RTL4: variants seen among roughly 807,000 people sequenced by gnomAD.
RTL4 encodes the protein retrotransposon Gag like 4, also known as retrotransposon Gag-like protein 4.
A neutral mutation model predicts 5.3 loss-of-function variants in RTL4; 4 were observed. That is an observed-to-expected ratio of 0.75 (90% CI 0.37 to 1.72). The LOEUF (loss-of-function observed/expected upper bound fraction) is 1.72. RTL4 is among the 40% of genes most tolerant of loss of function. RTL4 has a pLI of 0.04. For synonymous variants in RTL4, 98 were observed against 87.3 expected (o/e 1.12, Z -0.68); for missense variants, 260 against 227.1 (o/e 1.14, Z -0.93).
At chrX:112,145,998 A>T in the RTL4 span, among the ~76,000 whole-genome samples, 1 of 112,289 alleles carries the variant, frequency 8.9e-6, no homozygotes, top group African/African-American at 3.2e-5. Flanking sequence ...TAAGCAGAGG[A>T]ATCAAATTGC....
upstream of RTL4, among the ~76,000 whole-genome samples, chrX:112,451,490 T>C (rs1190014996): frequency 9.0e-6 from 1 of 110,897 alleles, no homozygotes; most frequent in Non-Finnish European, 1.9e-5. Context: ...TAGAGTGAGG[T>C]TCTGTCTCAA....
the RTL4 span, among the ~76,000 whole-genome samples, chrX:112,445,666 A>G: frequency 9.8e-5 from 11 of 111,781 alleles, no homozygotes; most frequent in Admixed American, 2.9e-4. Context: ...AGCTGCAATG[A>G]GCCAGGTACT....
chrX:112,351,369 G>T, the RTL4 span, among the ~76,000 whole-genome samples: 1 of 108,927 alleles, frequency 9.2e-6, no homozygotes, highest in Non-Finnish European at 1.9e-5. Flanking sequence ...GAGTTCTGTA[G>T]TTGTCTTTTA....
the RTL4 span, among the ~76,000 whole-genome samples, chrX:112,084,580 C>T: frequency 2.7e-5 from 3 of 111,042 alleles, no homozygotes; most frequent in African/African-American, 9.8e-5. Flanking sequence ...AACTAATATA[C>T]AGTCTCCCAA....
chrX:112,181,795 GAGC>G, the RTL4 span, among the ~76,000 whole-genome samples: 1 of 112,085 alleles, frequency 8.9e-6, no homozygotes, highest in South Asian at 3.8e-4. Context: ...GCTCTGAAGA[GAGC>G]AGCAGATTTC....
At chrX:112,269,083 C>T in the RTL4 span, among the ~76,000 whole-genome samples, 2 of 112,092 alleles carry the variant, frequency 1.8e-5, no homozygotes, top group Admixed American at 9.5e-5. Context: ...ATTCTGAGAG[C>T]TGCTTAGGAA....
At chrX:112,388,812 G>A in the RTL4 span, among the ~76,000 whole-genome samples, 10 of 111,735 alleles carry the variant, frequency 8.9e-5, no homozygotes, top group East Asian at 1.4e-3. Context: ...AATTCGGTTT[G>A]CAAGTATTTT....
At chrX:112,265,726 G>A in the RTL4 span, among the ~76,000 whole-genome samples, 2 of 110,337 alleles carry the variant, frequency 1.8e-5, no homozygotes, top group African/African-American at 6.6e-5. Flanking sequence ...CCACAGCTCT[G>A]TGTTGGACCA....
At chrX:112,123,402 T>C in the RTL4 span, among the ~76,000 whole-genome samples, 1 of 112,524 alleles carries the variant, frequency 8.9e-6, no homozygotes, top group African/African-American at 3.2e-5. Flanking sequence ...TCTATAAAAA[T>C]GTGTCACATT....
the RTL4 span, among the ~76,000 whole-genome samples, chrX:112,287,282 GA>G: frequency 1.9e-4 from 21 of 111,365 alleles, no homozygotes; most frequent in Non-Finnish European, 3.0e-4. Flanking sequence ...TAGGCATAAG[GA>G]AAAAACTCCT....
the RTL4 span, among the ~76,000 whole-genome samples, chrX:112,324,787 G>C: frequency 1.8e-5 from 2 of 110,834 alleles, no homozygotes; most frequent in African/African-American, 3.3e-5. Context: ...CTATCTTATA[G>C]AATGTTCCAT....
chrX:112,419,746 T>A, the RTL4 span, among the ~76,000 whole-genome samples: 2 of 105,825 alleles, frequency 1.9e-5, no homozygotes, highest in Admixed American at 2.1e-4. Context: ...GATGGATTTA[T>A]GGTTTTTGAC....
the RTL4 span, among the ~76,000 whole-genome samples, chrX:112,134,021 C>G: frequency 8.9e-6 from 1 of 112,204 alleles, no homozygotes; most frequent in South Asian, 3.7e-4. Context: ...CTGCAATAAA[C>G]AAATGTAGTG....
At chrX:112,095,546 T>C in the RTL4 span, among the ~76,000 whole-genome samples, 12 of 111,386 alleles carry the variant, frequency 1.1e-4, no homozygotes, top group Non-Finnish European at 2.1e-4. Context: ...CCAATACCAA[T>C]ATATAGAGAA....
At chrX:112,429,803 T>C in the RTL4 span, among the ~76,000 whole-genome samples, 1 of 110,976 alleles carries the variant, frequency 9.0e-6, no homozygotes, top group East Asian at 2.8e-4. Flanking sequence ...AAGGATAATT[T>C]TACAGTGTAT....
the RTL4 span, among the ~76,000 whole-genome samples, chrX:112,325,635 T>C: frequency 8.9e-6 from 1 of 112,058 alleles, no homozygotes; most frequent in African/African-American, 3.2e-5. Flanking sequence ...CCTTATGCCT[T>C]ATACAAAAAT....
chrX:112,267,146 T>C, the RTL4 span, among the ~76,000 whole-genome samples: 1 of 111,607 alleles, frequency 9.0e-6, no homozygotes, highest in Admixed American at 9.5e-5. Flanking sequence ...ATGTATGGCC[T>C]CATTTCTCTG....
the RTL4 span, among the ~76,000 whole-genome samples, chrX:112,237,686 A>C: frequency 8.9e-6 from 1 of 112,583 alleles, no homozygotes; most frequent in Non-Finnish European, 1.9e-5. Context: ...AATGGAGGTA[A>C]ATACTCTATG....
chrX:112,197,320 T>C, the RTL4 span, among the ~76,000 whole-genome samples: 3 of 110,688 alleles, frequency 2.7e-5, no homozygotes, highest in Middle Eastern at 4.7e-3. Context: ...CCCCATCTGG[T>C]CTTCACTGAT....
Sources: allele counts gnomAD v4.1 joint callset (sites outside exome capture counted in the v4.1 genomes callset), GRCh38; gene constraint gnomAD v4.1.1; transcripts MANE v1.5; gene names NCBI Gene and HGNC (gene_info 2026-07-23, HGNC 2026-07-21).